Variants in MAPK10 observed in about 807,000 individuals in gnomAD.
The protein encoded by MAPK10 is mitogen-activated protein kinase 10.
Under a neutral mutation model 59.3 loss-of-function variants are expected in MAPK10, and 25 were observed. The observed-to-expected ratio is 0.42, with a 90% CI of 0.31 to 0.59. The LOEUF (loss-of-function observed/expected upper bound fraction) is 0.59, where lower values mean the gene tolerates loss of function less well. Ranked by LOEUF, MAPK10 falls within the 20% of genes least tolerant of loss-of-function variation. The probability of loss-of-function intolerance (pLI) is 0.15; values close to 1 mark genes in which losing one functional copy is unlikely to be tolerated. For synonymous variants in MAPK10, 190 were observed against 200.5 expected, an observed-to-expected ratio of 0.95 and a Z score of 0.44; for missense variants, 351 against 568.9, an observed-to-expected ratio of 0.62 and a Z score of 3.90.
At chr4:86,556,470 T>C (rs1426454403) in intron 1 of MAPK10, among the ~76,000 whole-genome samples, 5 of 152,138 alleles carry the variant, frequency 3.3e-5, no homozygotes, top group Admixed American at 3.3e-4. Flanking sequence ...CCTAAAAGAA[T>C]TTTAAAAATT....
intron 2 of MAPK10, among the ~76,000 whole-genome samples, chr4:86,247,942 C>T (rs912517090): frequency 3.3e-5 from 5 of 152,142 alleles, no homozygotes; most frequent in African/African-American, 9.6e-5. Context: ...CAGGCTTGGC[C>T]AATCTCAAAG....
At chr4:86,393,041 T>C (rs536249646) in intron 1 of MAPK10, among the ~76,000 whole-genome samples, 72 of 152,350 alleles carry the variant, frequency 4.7e-4, no homozygotes, top group Non-Finnish European at 9.3e-4. Flanking sequence ...TTGCAGAGGC[T>C]GGCTTTGAGG....
chr4:86,429,955 A>G (rs1579189939), intron 1 of MAPK10: 1 of 152,218 alleles, frequency 6.6e-6, no homozygotes, highest in African/African-American at 2.4e-5. Flanking sequence ...ATATTAACTT[A>G]TTTCATAAAA....
At chr4:86,242,574 C>T (rs577259810) in intron 2 of MAPK10, among the ~76,000 whole-genome samples, 5 of 152,162 alleles carry the variant, frequency 3.3e-5, no homozygotes, top group African/African-American at 4.8e-5. Flanking sequence ...AGGGAAGATC[C>T]GCCCACTGAG....
intron 2 of MAPK10, among the ~76,000 whole-genome samples, chr4:86,209,997 A>G (rs747075185): frequency 5.3e-5 from 8 of 152,164 alleles, no homozygotes; most frequent in Non-Finnish European, 1.2e-4. Context: ...CTCATTTTCA[A>G]CAAAGCTGCC....
chr4:86,048,867 G>T (rs1228330926), intron 11 of MAPK10, among the ~76,000 whole-genome samples: 1 of 151,840 alleles, frequency 6.6e-6, no homozygotes, highest in African/African-American at 2.4e-5. Flanking sequence ...CATACTTTTT[G>T]TTACAAATAT....
chr4:86,450,629 C>T (rs953922323), intron 1 of MAPK10, among the ~76,000 whole-genome samples: 3 of 152,112 alleles, frequency 2.0e-5, no homozygotes, highest in Non-Finnish European at 4.4e-5. Context: ...GAGATGCAAC[C>T]ACAGTAACCT....
At chr4:86,278,891 G>T (rs1294747598) in intron 2 of MAPK10, among the ~76,000 whole-genome samples, 1 of 152,160 alleles carries the variant, frequency 6.6e-6, no homozygotes, top group African/African-American at 2.4e-5. Context: ...ATTTATCACA[G>T]ATTGGAGGGG....
intron 2 of MAPK10, among the ~76,000 whole-genome samples, chr4:86,262,352 A>C (rs2094023941): frequency 1.5e-5 from 2 of 135,808 alleles, no homozygotes; most frequent in South Asian, 4.4e-4. Context: ...CCAGTACTAT[A>C]AAAAATAAAT....
chr4:86,080,586 T>C (rs1001975734), intron 9 of MAPK10: 3 of 151,870 alleles, frequency 2.0e-5, no homozygotes, highest in African/African-American at 4.8e-5. Flanking sequence ...AAAAAAATAA[T>C]AATCTCAAAA....
At chr4:86,586,270 T>A (rs1325435696) in intron 1 of MAPK10, among the ~76,000 whole-genome samples, 1 of 152,158 alleles carries the variant, frequency 6.6e-6, no homozygotes, top group African/African-American at 2.4e-5. Context: ...TAGTAAAAAT[T>A]GTGAATTAGG....
At chr4:86,107,427 A>C in intron 4 of MAPK10, 75 bp from the exon 5 acceptor site, 1 of 1,537,300 alleles carries the variant, frequency 6.5e-7, no homozygotes, top group South Asian at 1.3e-5. Flanking sequence ...GATTAAGGAT[A>C]CTGGTAAAGA....
intron 11 of MAPK10, among the ~76,000 whole-genome samples, chr4:86,052,416 C>T (rs964654520): frequency 2.6e-5 from 4 of 151,864 alleles, no homozygotes; most frequent in East Asian, 3.9e-4. Flanking sequence ...AAAGGAACTC[C>T]GAAGATCTGA....
At chr4:86,139,436 G>T (rs1405792489) in intron 4 of MAPK10, among the ~76,000 whole-genome samples, 2 of 150,004 alleles carry the variant, frequency 1.3e-5, no homozygotes, top group Non-Finnish European at 3.0e-5. Flanking sequence ...ATGGGGAAAG[G>T]ATTCCCTATT....
chr4:86,552,677 T>C (rs932723482), intron 1 of MAPK10, among the ~76,000 whole-genome samples: 2 of 152,162 alleles, frequency 1.3e-5, no homozygotes, highest in Admixed American at 6.5e-5. Context: ...TTCTGGATTA[T>C]TTTTTCAAGG....
At chr4:86,474,842 A>C (rs911483207) in intron 1 of MAPK10, among the ~76,000 whole-genome samples, 3 of 152,208 alleles carry the variant, frequency 2.0e-5, no homozygotes, top group Non-Finnish European at 4.4e-5. Context: ...AGATGGCCTG[A>C]AATAACTGAA....
At chr4:86,107,517 G>C in intron 4 of MAPK10, 165 bp from the exon 5 acceptor site, 1 of 1,294,774 alleles carries the variant, frequency 7.7e-7, no homozygotes. Context: ...TGAGTGACTG[G>C]CATAAGAATA....
intron 2 of MAPK10, chr4:86,300,815 T>G (rs2095455885): frequency 6.6e-6 from 1 of 151,240 alleles, no homozygotes; most frequent in South Asian, 2.1e-4. Context: ...TAGCAAAGAC[T>G]GAGAGTCTGT....
intron 4 of MAPK10, among the ~76,000 whole-genome samples, chr4:86,135,105 G>C (rs1389451369): frequency 2.6e-5 from 4 of 152,204 alleles, no homozygotes; most frequent in Non-Finnish European, 5.9e-5. Context: ...AGCGAGGCTG[G>C]GGGAGGGGCG....
Sources: gnomAD v4.1 joint callset for allele counts (sites outside exome capture counted in the v4.1 genomes callset) on GRCh38, gnomAD v4.1.1 for gene constraint, MANE v1.5 for transcripts, NCBI Gene and HGNC (gene_info 2026-07-23, HGNC 2026-07-21) for gene names.